The following MED13L variants were observed in gnomAD, a reference collection of about 807,000 sequenced individuals.
MED13L encodes mediator of RNA polymerase II transcription subunit 13-like.
In MED13L, 7 loss-of-function variants were observed where a neutral mutation model predicts 220.9. That is an observed-to-expected ratio of 0.03 (90% CI 0.02 to 0.06). MED13L has a LOEUF of 0.06. Among genes scored for constraint, MED13L ranks in the 10% least tolerant of loss-of-function variants. MED13L has a pLI of 1.00. For missense variants in MED13L, 1,965 were observed against 2,760.5 expected (o/e 0.71, Z 6.46); for synonymous variants, 1,011 against 1,015.2 (o/e 1.00, Z 0.08).
At chr12:116,230,566 C>A (rs1869456957) in intron 2 of MED13L, 23 of 721,130 alleles carry the variant, frequency 3.2e-5, no homozygotes, top group Non-Finnish European at 3.7e-5. Context: ...ACTGCAAATA[C>A]AATTCCTTTC....
chr12:116,091,208 T>C (rs1484419773), intron 4 of MED13L, among the ~76,000 whole-genome samples: 2 of 151,876 alleles, frequency 1.3e-5, no homozygotes, highest in African/African-American at 4.8e-5. Context: ...TCTCTTTTAC[T>C]ATAAGGTATT....
At chr12:116,008,069 C>A in intron 10 of MED13L, 1 of 347,628 alleles carries the variant, frequency 2.9e-6, no homozygotes, top group Non-Finnish European at 5.2e-6. Context: ...TCAAAAATGT[C>A]AACATACAAA....
intron 4 of MED13L, among the ~76,000 whole-genome samples, chr12:116,085,106 G>T (rs1402125115): frequency 6.6e-6 from 1 of 151,970 alleles, no homozygotes; most frequent in East Asian, 1.9e-4. Flanking sequence ...TTCCCTCTAG[G>T]GTCCTCTGTG....
chr12:116,213,583 T>C (rs1282439137), intron 2 of MED13L, among the ~76,000 whole-genome samples: 7 of 152,100 alleles, frequency 4.6e-5, no homozygotes, highest in Non-Finnish European at 8.8e-5. Flanking sequence ...CTGGCTAATT[T>C]TGTATTTTTA....
chr12:116,230,495 G>GT (rs1470190525), intron 2 of MED13L: 1 of 984,042 alleles, frequency 1.0e-6, no homozygotes, highest in Non-Finnish European at 1.2e-6. Context: ...CTGCAAAATG[G>GT]TATCATTCAT....
chr12:116,200,338 T>C (rs1050979310), intron 2 of MED13L, among the ~76,000 whole-genome samples: 10 of 152,198 alleles, frequency 6.6e-5, no homozygotes, highest in African/African-American at 9.6e-5. Context: ...TAGTGTACTA[T>C]AGCCACCTTT....
intron 2 of MED13L, among the ~76,000 whole-genome samples, chr12:116,143,382 AT>A (rs1463398033): frequency 6.6e-6 from 1 of 151,880 alleles, no homozygotes. Flanking sequence ...TGAATGAATG[AT>A]TACCAGAGCC....
intron 9 of MED13L, among the ~76,000 whole-genome samples, chr12:116,009,875 A>G (rs559883152): frequency 2.0e-5 from 3 of 152,318 alleles, no homozygotes; most frequent in African/African-American, 7.2e-5. Flanking sequence ...GTAAGAGCCC[A>G]CTACATGATG....
intron 4 of MED13L, among the ~76,000 whole-genome samples, chr12:116,029,635 A>G (rs1174061929): frequency 6.6e-6 from 1 of 152,214 alleles, no homozygotes; most frequent in Non-Finnish European, 1.5e-5. Flanking sequence ...GAAATATTTT[A>G]AAACTTAAGT....
At chr12:116,243,359 A>C (rs1870819275) in intron 1 of MED13L, among the ~76,000 whole-genome samples, 1 of 152,118 alleles carries the variant, frequency 6.6e-6, no homozygotes, top group African/African-American at 2.4e-5. Flanking sequence ...AATAACTCCC[A>C]CAAGTTTAGT....
At chr12:116,182,624 A>ACTCT (rs1197213763) in intron 2 of MED13L, among the ~76,000 whole-genome samples, 1 of 151,226 alleles carries the variant, frequency 6.6e-6, no homozygotes, top group Admixed American at 6.6e-5. Flanking sequence ...CTACTCTCTC[A>ACTCT]CTCTCTCTTT....
chr12:116,011,546 C>T (rs1879404643), intron 9 of MED13L, among the ~76,000 whole-genome samples: 1 of 152,124 alleles, frequency 6.6e-6, no homozygotes, highest in Admixed American at 6.5e-5. Flanking sequence ...TATGTATGTG[C>T]TAAAGGCGGG....
rs374647724 is a variant in MED13L at position 116,165,861 on chromosome 12, T to C, written c.311-54349A>G. On this transcript the variant is annotated intron_variant, in intron 2 of 30. Coordinates refer to ENST00000281928, the MANE Select transcript of MED13L (RefSeq NM_015335.5). ...CTACACTATGCCTAGTCTAGCCCTA[T>C]CTGCCCTCAGGTGGGCCTCATCTGA... 1.4e-4 allele frequency among the ~76,000 whole-genome samples: 21 copies of C among 152,318 alleles called. 1 individual carries two copies. The highest frequency in any genetic ancestry group is 4.8e-4 in the African/African-American group (20 of 41,574).
At chr12:116,092,773 T>TGG (rs11455956) in intron 4 of MED13L, among the ~76,000 whole-genome samples, 2 of 151,274 alleles carry the variant, frequency 1.3e-5, no homozygotes, top group African/African-American at 2.4e-5. Flanking sequence ...ATATGTGTGG[T>TGG]GGGGGGGGTG....
At position 116,135,798 on chromosome 12, in the gene MED13L, C is replaced by A. The variant is rs577261399; in HGVS notation, c.311-24286G>T. 1.4e-3 allele frequency among the ~76,000 whole-genome samples: 220 copies of A among 152,228 alleles called. 2 individuals are homozygous for A. Among genetic ancestry groups the A allele is most frequent in the African/African-American group, 5.0e-3 (209 of 41,542 alleles). ...TATAAGTCAATCAGATACACAAAGG[C>A]TAGCTGATCAGTTTTGTGATCCTTG... On this transcript the variant is annotated intron_variant, in intron 2 of 30. Coordinates refer to ENST00000281928, the MANE Select transcript of MED13L (RefSeq NM_015335.5).
chr12:115,975,492 C>A, intron 24 of MED13L, 23 bp downstream of exon 24: 1 of 1,606,966 alleles, frequency 6.2e-7, no homozygotes, highest in Non-Finnish European at 8.5e-7. Context: ...TTTACATGCA[C>A]CATAAACATC....
intron 23 of MED13L, 27 bp downstream of exon 23, chr12:115,980,723 C>T (rs552694127): frequency 6.2e-7 from 1 of 1,612,372 alleles, no homozygotes; most frequent in Admixed American, 1.7e-5. Flanking sequence ...TATAAATTTT[C>T]TAAGTTTCTG....
chr12:116,124,830 C>T (rs1875437928), intron 2 of MED13L, among the ~76,000 whole-genome samples: 1 of 152,150 alleles, frequency 6.6e-6, no homozygotes, highest in Non-Finnish European at 1.5e-5. Context: ...TCCATACACA[C>T]AAATGCAATC....
chr12:115,993,853 A>G (rs1326780746), intron 16 of MED13L, among the ~76,000 whole-genome samples: 1 of 152,216 alleles, frequency 6.6e-6, no homozygotes, highest in Non-Finnish European at 1.5e-5. Context: ...TGGATAGTCA[A>G]AAGTGAAAAA....
Sources: gnomAD v4.1 joint callset for allele counts (sites outside exome capture counted in the v4.1 genomes callset) on GRCh38, gnomAD v4.1.1 for gene constraint, MANE v1.5 for transcripts, NCBI Gene and HGNC (gene_info 2026-07-23, HGNC 2026-07-21) for gene names.